Variants in MEST observed in about 807,000 individuals in gnomAD.
The protein encoded by MEST is mesoderm-specific transcript homolog protein.
Under a neutral mutation model 50.9 loss-of-function variants are expected in MEST, and 18 were observed. The ratio of observed to expected loss-of-function variants is 0.35; its 90% CI spans 0.24 to 0.52. MEST has a LOEUF of 0.52. Among genes scored for constraint, MEST ranks in the 20% least tolerant of loss-of-function variants. The pLI is 0.94. For synonymous variants in MEST, 130 were observed against 154.1 expected (o/e 0.84, Z 1.16); for missense variants, 282 against 425.3 (o/e 0.66, Z 2.96).
chr7:130,488,154 T>A (rs1375864842), upstream of MEST: 4 of 152,136 alleles, frequency 2.6e-5, no homozygotes, highest in Non-Finnish European at 4.4e-5. Context: ...TTATTTTACA[T>A]CAGATGGGAA....
In MEST at chr7:130,497,556, C is replaced by CA. The variant is rs1188737633; in HGVS notation, c.261+330dup. On this transcript the variant is annotated intron_variant, in intron 3 of 11. Transcript: ENST00000223215. The surrounding 1 kb of genome is among the most constrained non-coding windows in gnomAD (Gnocchi z 4.0). ...TAGGTGACAGAGCGAGAGTCTGTCTCAAAAAAAAATTTTTTTTTAATAAAA... is the reference window on the plus strand; with the variant it reads ...TAGGTGACAGAGCGAGAGTCTGTCTCAAAAAAAAAATTTTTTTTTAATAAAA... 2.8e-4 allele frequency: 67 copies of CA among 240,432 alleles called. No homozygotes were observed. Among genetic ancestry groups the CA allele is most frequent in the Middle Eastern group, 1.4e-3 (1 of 722 alleles). 14.9% of individuals were successfully genotyped at this position (240,432 alleles called of 1,614,324 possible). A position where few individuals can be genotyped will look rare whatever the true frequency, so the allele number is the denominator to read the frequency against.
At chr7:130,498,398 G>A (rs1192635412) in intron 5 of MEST, 21 bp from the exon 6 acceptor site, 1 of 1,614,016 alleles carries the variant, frequency 6.2e-7, no homozygotes, top group Non-Finnish European at 8.5e-7. Context: ...CTACATGTGT[G>A]TTTCCTCGTC....
intron 1 of MEST, chr7:130,494,412 GA>G (rs1798959664): frequency 6.6e-6 from 1 of 152,162 alleles, no homozygotes; most frequent in Non-Finnish European, 1.5e-5. Flanking sequence ...ACTTGAAACA[GA>G]ACGGTTTATA....
rs1003777628 is a variant in MEST at position 130,498,178 on chromosome 7, G to C, written c.379G>C (p.Val127Leu). The C allele has an allele frequency of 2.5e-6, 4 of 1,614,118 alleles. No individual in the cohort carries two copies. Among genetic ancestry groups the C allele is most frequent in the Non-Finnish European group, 3.4e-6 (4 of 1,180,024 alleles). The change falls in exon 5 of 12, where the codon GTG becomes CTG. Residue 127 changes from valine (V) to leucine (L), a missense_variant. By Grantham distance (32) the Val-to-Leu change is conservative. Transcript: ENST00000223215. Reference protein sequence around the residue: ...HYSIFEQASIVEALLRHLGLQ... With the variant: ...HYSIFEQASILEALLRHLGLQ... ...TTCCATATTTGAGCAGGCCAGCATC[G>C]TGGAAGCGCTTTTGCGGCATCTGGG...
chr7:130,498,113 G>C (rs1188367064), intron 4 of MEST, 26 bp from the exon 5 acceptor site: 1 of 1,613,998 alleles, frequency 6.2e-7, no homozygotes, highest in African/African-American at 1.3e-5. Context: ...ACTTCATCCT[G>C]TGTATGTGGG....
rs1385513113 is a variant in MEST at position 130,505,338 on chromosome 7, C to A, written c.*282C>A. The A allele has an allele frequency of 8.3e-6, 2 of 241,854 alleles. No individual in the cohort carries two copies. Among genetic ancestry groups the A allele is most frequent in the African/African-American group, 2.2e-5 (1 of 45,124 alleles). 15.0% of individuals were successfully genotyped at this position (241,854 alleles called of 1,614,324 possible). On this transcript the variant is annotated 3_prime_UTR_variant, in exon 12 of 12. Transcript: ENST00000223215. Reference sequence around the variant, plus strand: ...GGAAATTCTGATGAGCATTACTATTCACTGATGCAGAAAGACGTTCTTTTG... The same window carrying A: ...GGAAATTCTGATGAGCATTACTATTAACTGATGCAGAAAGACGTTCTTTTG...
chr7:130,494,159 T>TG (rs1383096854), intron 1 of MEST, among the ~76,000 whole-genome samples: 14 of 152,188 alleles, frequency 9.2e-5, no homozygotes, highest in Admixed American at 3.3e-4. Context: ...ATCAGGGATA[T>TG]GGGGGGGAAA....
At chr7:130,493,307 C>T (rs1362081781) in intron 1 of MEST, 1 of 152,078 alleles carries the variant, frequency 6.6e-6, no homozygotes, top group Non-Finnish European at 1.5e-5. Context: ...GTGTGTTTTT[C>T]TGTTTACAAG....
intron 2 of MEST, chr7:130,496,888 A>G: frequency 3.7e-6 from 1 of 270,138 alleles, no homozygotes; most frequent in Non-Finnish European, 7.0e-6. Context: ...GATGCTGTTT[A>G]AAAACACCTA....
intron 1 of MEST, chr7:130,494,915 T>G (rs1350784161): frequency 1.2e-6 from 1 of 868,058 alleles, no homozygotes; most frequent in African/African-American, 1.8e-5. Context: ...TTTGAACATT[T>G]TACTGGTTGG....
Position 130,496,631 on chromosome 7 carries a change from G to A in MEST, c.182-525G>A, listed in dbSNP as rs149450457. On this transcript the variant is annotated intron_variant, in intron 2 of 11. Coordinates refer to ENST00000223215, the MANE Select transcript of MEST (RefSeq NM_002402.4). The stretch of plus-strand genomic sequence containing the variant: ...CCCTTTTTATAGTTGACAGGATTTT[G>A]TAATAGTTTTATTATGTTTTTGATG... 195 of 166,122 alleles carry A rather than the reference G, an allele frequency of 1.2e-3. 3 individuals carry two copies. Among genetic ancestry groups the A allele is most frequent in the Non-Finnish European group, 1.6e-3 (123 of 78,178 alleles). 10.3% of individuals were successfully genotyped at this position (166,122 alleles called of 1,614,324 possible).
At chr7:130,495,962 GACC>G in intron 2 of MEST, 1 of 369,914 alleles carries the variant, frequency 2.7e-6, no homozygotes, top group Non-Finnish European at 5.2e-6. Flanking sequence ...TGATTATTAT[GACC>G]ACTACTTATC....
At chr7:130,498,867 A>C (rs1341349177) in intron 6 of MEST, 3 of 246,774 alleles carry the variant, frequency 1.2e-5, no homozygotes, top group African/African-American at 6.8e-5. Context: ...ATAGGTTATG[A>C]GAGTGTAGGA....
upstream of MEST, chr7:130,488,417 C>G (rs922792791): frequency 6.6e-6 from 1 of 152,252 alleles, no homozygotes; most frequent in Non-Finnish European, 1.5e-5. Flanking sequence ...ACTGCTAACA[C>G]ATTTCCTTCT....
At chr7:130,504,692 G>A (rs1261847083) in intron 11 of MEST, among the ~76,000 whole-genome samples, 2 of 152,212 alleles carry the variant, frequency 1.3e-5, no homozygotes, top group Non-Finnish European at 2.9e-5. Context: ...TTTGACAATT[G>A]TTGCAAAAGT....
intron 7 of MEST, 44 bp downstream of exon 7, chr7:130,499,959 G>A: frequency 1.3e-6 from 2 of 1,535,726 alleles, no homozygotes; most frequent in East Asian, 4.5e-5. Flanking sequence ...GATTTGTACT[G>A]ACGTAAATAA....
chr7:130,497,881 T>G lies in MEST; in HGVS notation c.262-55T>G. On this transcript the variant is annotated intron_variant, in intron 3 of 11. Transcript: ENST00000223215. This position sits in a 1 kb window ranked among gnomAD's most constrained non-coding sequence, Gnocchi z 4.0. ...TGAAGCTCCTGTGCAACTGTAGGTC[T>G]GGTGAAAGGGAGGGGCAGGAGCAGA... 4 of 1,526,020 alleles carry G rather than the reference T, an allele frequency of 2.6e-6. No individual in the cohort carries two copies. Among genetic ancestry groups the G allele is most frequent in the Non-Finnish European group, 3.6e-6 (4 of 1,099,794 alleles). The allele number at this position is 1,526,020 out of a possible 1,614,324, so 94.5% of individuals were successfully genotyped here.
At chr7:130,490,903 G>T (rs1798780659), upstream of MEST, 1 of 152,288 alleles carries the variant, frequency 6.6e-6, no homozygotes, top group Admixed American at 6.5e-5. Context: ...AGTGTCCGTG[G>T]GTCGCCCCCG....
intron 6 of MEST, 45 bp downstream of exon 6, chr7:130,498,522 G>A (rs1177575035): frequency 5.8e-6 from 9 of 1,549,534 alleles, no homozygotes; most frequent in African/African-American, 2.7e-5. Flanking sequence ...AATCTAGAAG[G>A]GCCATCTTTA....
Sources: allele counts gnomAD v4.1 joint callset (sites outside exome capture counted in the v4.1 genomes callset), GRCh38; gene constraint gnomAD v4.1.1; non-coding constraint Gnocchi (gnomAD v3.1); transcripts MANE v1.5; gene names NCBI Gene and HGNC (gene_info 2026-07-23, HGNC 2026-07-21).